The following HMCN1 variants were observed in gnomAD, a reference collection of about 807,000 sequenced individuals.
The protein encoded by HMCN1 is hemicentin-1.
A neutral mutation model predicts 625.9 loss-of-function variants in HMCN1; 321 were observed. That is an observed-to-expected ratio of 0.51 (90% CI 0.47 to 0.56). HMCN1 has a LOEUF of 0.56. Ranked by LOEUF, HMCN1 falls within the 20% of genes least tolerant of loss-of-function variation. The pLI, the probability that HMCN1 is intolerant of heterozygous loss-of-function variation, is 0.00. For synonymous variants in HMCN1, 2,425 were observed against 2,417.6 expected, an observed-to-expected ratio of 1.00 and a Z score of -0.09; for missense variants, 6,588 against 6,887.3, an observed-to-expected ratio of 0.96 and a Z score of 1.54.
intron 1 of HMCN1, among the ~76,000 whole-genome samples, chr1:185,793,432 T>G (rs1658139563): frequency 6.6e-6 from 1 of 152,154 alleles, no homozygotes; most frequent in African/African-American, 2.4e-5. Flanking sequence ...TCTTGTAAGG[T>G]CTCTTGTGAT....
At chr1:185,930,518 A>G (rs971739172) in intron 10 of HMCN1, among the ~76,000 whole-genome samples, 5 of 152,196 alleles carry the variant, frequency 3.3e-5, no homozygotes, top group Admixed American at 6.5e-5. Flanking sequence ...ATAAAGCATT[A>G]TTTAATACTA....
chr1:185,756,555 A>G (rs747036330), intron 1 of HMCN1, among the ~76,000 whole-genome samples: 20 of 152,278 alleles, frequency 1.3e-4, no homozygotes, highest in Non-Finnish European at 2.2e-4. Context: ...TGAAGATTAA[A>G]TGATGTAATA....
chr1:185,797,499 G>A (rs940546426), intron 1 of HMCN1, among the ~76,000 whole-genome samples: 1 of 152,186 alleles, frequency 6.6e-6, no homozygotes, highest in Non-Finnish European at 1.5e-5. Context: ...TAGAGATGCA[G>A]TCTCACTATA....
intron 6 of HMCN1, among the ~76,000 whole-genome samples, chr1:185,913,617 A>G (rs1666545075): frequency 6.6e-6 from 1 of 152,134 alleles, no homozygotes; most frequent in Non-Finnish European, 1.5e-5. Flanking sequence ...ACGTGAGGCC[A>G]TTCTTCCATG....
chr1:186,082,207 C>A (rs913796658), intron 56 of HMCN1, among the ~76,000 whole-genome samples: 2 of 151,890 alleles, frequency 1.3e-5, no homozygotes, highest in African/African-American at 4.8e-5. Context: ...ATGAAGAAAA[C>A]ATAATTGTTA....
At chr1:185,928,509 T>C (rs1667386095) in intron 9 of HMCN1, 37 bp from the exon 10 acceptor site, 1 of 1,578,596 alleles carries the variant, frequency 6.3e-7, no homozygotes, top group African/African-American at 1.3e-5. Flanking sequence ...GGTCTTATTT[T>C]ATAGTAACTA....
chr1:185,858,419 T>TTTTA (rs947705331), intron 2 of HMCN1, among the ~76,000 whole-genome samples: 204 of 151,590 alleles, frequency 1.3e-3, no homozygotes, highest in African/African-American at 4.1e-3. Context: ...AAAGGATTTA[T>TTTTA]TTTATTTATT....
At chr1:186,110,977 C>CCTTTTT (rs1660847379) in intron 71 of HMCN1, among the ~76,000 whole-genome samples, 1 of 61,648 alleles carries the variant, frequency 1.6e-5, no homozygotes, top group African/African-American at 9.8e-5. Flanking sequence ...AGAGAAAATT[C>CCTTTTT]TTTTTTTTTT....
chr1:185,958,836 T>C (rs921821422), intron 11 of HMCN1, among the ~76,000 whole-genome samples: 6 of 152,202 alleles, frequency 3.9e-5, no homozygotes, highest in African/African-American at 1.4e-4. Flanking sequence ...ACTTGCTACA[T>C]AGTATTATTG....
chr1:186,063,032 G>T (rs1657813924), intron 48 of HMCN1, among the ~76,000 whole-genome samples: 2 of 128,140 alleles, frequency 1.6e-5, no homozygotes, highest in Admixed American at 8.0e-5. Flanking sequence ...GTATTCCATG[G>T]AATGTGTGTG....
intron 51 of HMCN1, 23 bp downstream of exon 51, chr1:186,069,799 G>A (rs975972124): frequency 1.3e-6 from 2 of 1,489,462 alleles, no homozygotes; most frequent in Non-Finnish European, 1.9e-6. Flanking sequence ...AGAATACTAT[G>A]TTTCATAGCT....
At chr1:185,894,780 G>A (rs1461176363) in intron 4 of HMCN1, among the ~76,000 whole-genome samples, 1 of 152,146 alleles carries the variant, frequency 6.6e-6, no homozygotes, top group Non-Finnish European at 1.5e-5. Flanking sequence ...TGAGAAATAT[G>A]GTGACAATTA....
At chr1:186,174,354 T>G (rs1465231213) in intron 102 of HMCN1, among the ~76,000 whole-genome samples, 160 bp from the exon 103 acceptor site, 1 of 152,240 alleles carries the variant, frequency 6.6e-6, no homozygotes, top group Admixed American at 6.5e-5. Flanking sequence ...GAGCTGGGAC[T>G]TGAACCCAGG....
intron 1 of HMCN1, among the ~76,000 whole-genome samples, chr1:185,805,068 T>A (rs1659077690): frequency 6.6e-6 from 1 of 152,116 alleles, no homozygotes; most frequent in Admixed American, 6.5e-5. Context: ...TTTAATTAAG[T>A]TTTTAGTGGG....
intron 2 of HMCN1, among the ~76,000 whole-genome samples, chr1:185,851,062 T>C (rs1312459806): frequency 6.6e-6 from 1 of 152,200 alleles, no homozygotes; most frequent in Non-Finnish European, 1.5e-5. Context: ...TGTTTACTTA[T>C]AGAATACTTT....
At chr1:185,829,719 G>T (rs1660740164) in intron 1 of HMCN1, among the ~76,000 whole-genome samples, 1 of 152,132 alleles carries the variant, frequency 6.6e-6, no homozygotes, top group South Asian at 2.1e-4. Flanking sequence ...CAATAAACAT[G>T]TATGTGCATG....
intron 1 of HMCN1, among the ~76,000 whole-genome samples, chr1:185,749,008 G>T (rs1347614367): frequency 6.6e-6 from 1 of 152,150 alleles, no homozygotes; most frequent in Non-Finnish European, 1.5e-5. Context: ...TAAATCTCTG[G>T]CTCTGGAGCT....
intron 4 of HMCN1, among the ~76,000 whole-genome samples, chr1:185,908,389 T>C (rs1666217242): frequency 6.6e-6 from 1 of 152,026 alleles, no homozygotes; most frequent in African/African-American, 2.4e-5. Context: ...CTGTTCAGTG[T>C]CTTATGCCTC....
chr1:186,102,601 A>G (rs948197403), intron 68 of HMCN1, among the ~76,000 whole-genome samples: 2 of 152,162 alleles, frequency 1.3e-5, no homozygotes, highest in East Asian at 1.9e-4. Flanking sequence ...CACCAGCATT[A>G]AAACTCAGAC....
Sources: gnomAD v4.1 joint callset for allele counts (sites outside exome capture counted in the v4.1 genomes callset) on GRCh38, gnomAD v4.1.1 for gene constraint, MANE v1.5 for transcripts, NCBI Gene and HGNC (gene_info 2026-07-23, HGNC 2026-07-21) for gene names.